Variants in LBP observed in about 807,000 individuals in gnomAD.
LBP encodes lipopolysaccharide binding protein, also known as lipopolysaccharide-binding protein.
In LBP, 53 loss-of-function variants were observed where a neutral mutation model predicts 56.6. The observed-to-expected ratio is 0.94, with a 90% CI of 0.75 to 1.18. The LOEUF is 1.18. Ranked by LOEUF, LBP falls within the 50% of genes most tolerant of loss-of-function variation. The pLI is 0.00. For missense variants in LBP, 601 were observed against 598.3 expected (o/e 1.00, Z -0.05); for synonymous variants, 227 against 247.5 (o/e 0.92, Z 0.78).
chr20:38,377,011 T>A lies in LBP; in HGVS notation c.*342T>A. 2.1e-6 allele frequency: 1 copy of A among 475,164 alleles called. No individual in the cohort carries two copies. Among genetic ancestry groups the A allele is most frequent in the Non-Finnish European group, 4.2e-6 (1 of 240,238 alleles). 29.4% of individuals were successfully genotyped at this position (475,164 alleles called of 1,614,324 possible). A position where few individuals can be genotyped will look rare whatever the true frequency, so the allele number is the denominator to read the frequency against. On this transcript the variant is annotated 3_prime_UTR_variant, in exon 15 of 15. Coordinates refer to ENST00000217407, the MANE Select transcript of LBP (RefSeq NM_004139.5). ...TCCTCAATAAATATTTATTAAATGA[T>A]GAGATGATGGAATCACCTGGTATTC... is the stretch of plus-strand genomic sequence containing the variant.
intron 1 of LBP, among the ~76,000 whole-genome samples, chr20:38,349,004 A>G (rs548084407): frequency 3.9e-4 from 59 of 151,830 alleles, no homozygotes; most frequent in African/African-American, 1.1e-3. Context: ...CATATTGGCC[A>G]GGCTGGTCTC....
intron 2 of LBP, among the ~76,000 whole-genome samples, chr20:38,350,301 G>T (rs745524235): frequency 6.6e-6 from 1 of 152,138 alleles, no homozygotes; most frequent in Non-Finnish European, 1.5e-5. Flanking sequence ...CTATGTGCCC[G>T]GCAAATAAAA....
In LBP at chr20:38,368,982, A is replaced by G. The variant is rs1172613862; in HGVS notation, c.982-13A>G. The G allele has an allele frequency of 1.2e-6, 2 of 1,613,476 alleles. No individual in the cohort carries two copies. The highest frequency in any genetic ancestry group is 1.7e-6 in the Non-Finnish European group (2 of 1,179,576). On this transcript the variant is annotated splice_polypyrimidine_tract_variant and intron_variant, in intron 9 of 14. Coordinates refer to ENST00000217407, the MANE Select transcript of LBP (RefSeq NM_004139.5). ...TTTCTTCTCTTGATGTAATCTCCTA[A>G]TTCTGCTCCCAGTTAGCCAGGCTCT...
chr20:38,354,246 G>T, intron 3 of LBP, 38 bp from the exon 4 acceptor site: 2 of 1,586,914 alleles, frequency 1.3e-6, no homozygotes, highest in Non-Finnish European at 1.7e-6. Flanking sequence ...CAGACCCCTG[G>T]TCTAGGAACT....
chr20:38,356,190 A>C (rs2122603036), intron 5 of LBP, among the ~76,000 whole-genome samples: 1 of 1,018 alleles, frequency 9.8e-4, no homozygotes, highest in Non-Finnish European at 3.7e-3. Context: ...AACACACCCC[A>C]CACACATACC....
intron 14 of LBP, among the ~76,000 whole-genome samples, chr20:38,374,594 CAAAA>C (rs562385988): frequency 1.2e-5 from 1 of 86,244 alleles, no homozygotes. Flanking sequence ...AACACTCCGT[CAAAA>C]AAAAAAAAAA....
At chr20:38,362,711 G>T (rs1230803959) in intron 6 of LBP, among the ~76,000 whole-genome samples, 2 of 152,074 alleles carry the variant, frequency 1.3e-5, no homozygotes, top group Non-Finnish European at 2.9e-5. Flanking sequence ...ACTTTGGGAG[G>T]CCAAGGAGGG....
At chr20:38,368,072 G>A (rs1367343615) in intron 9 of LBP, among the ~76,000 whole-genome samples, 1 of 150,072 alleles carries the variant, frequency 6.7e-6, no homozygotes, top group African/African-American at 2.5e-5. Flanking sequence ...AGAAAGAAAT[G>A]TTCTGTGGAA....
chr20:38,360,832 A>ATGC, intron 6 of LBP, 65 bp downstream of exon 6: 1 of 1,218,892 alleles, frequency 8.2e-7, no homozygotes, highest in Non-Finnish European at 1.2e-6. Flanking sequence ...GCATATATAT[A>ATGC]TCTTATAAAA....
At chr20:38,349,015 G>A (rs1192103530) in intron 1 of LBP, among the ~76,000 whole-genome samples, 1 of 151,874 alleles carries the variant, frequency 6.6e-6, no homozygotes, top group Non-Finnish European at 1.5e-5. Flanking sequence ...GGCTGGTCTC[G>A]AACTCCTGAC....
At chr20:38,369,584 C>T (rs1034393467) in intron 10 of LBP, among the ~76,000 whole-genome samples, 3 of 152,212 alleles carry the variant, frequency 2.0e-5, no homozygotes, top group African/African-American at 7.2e-5. Context: ...GAGGTACTGT[C>T]AGGAGAATGA....
chr20:38,365,581 C>A (rs1331610348), intron 8 of LBP, among the ~76,000 whole-genome samples: 1 of 151,432 alleles, frequency 6.6e-6, no homozygotes, highest in Non-Finnish European at 1.5e-5. Flanking sequence ...CCTGTAGTTC[C>A]AGCTACATGG....
At chr20:38,360,505 C>G (rs2076856005) in intron 5 of LBP, among the ~76,000 whole-genome samples, 199 bp from the exon 6 acceptor site, 1 of 152,114 alleles carries the variant, frequency 6.6e-6, no homozygotes, top group African/African-American at 2.4e-5. Flanking sequence ...CAACTGGACC[C>G]TAGTGGAGTC....
rs183249102 is a variant in LBP, at chr20:38,370,588, C to A, written c.1150-150C>A. 696 of 674,352 alleles carry A rather than the reference C, an allele frequency of 1.0e-3. 3 individuals are homozygous for A. In the Middle Eastern group the frequency reaches 0.012, roughly 12 times the overall value. The allele number at this position is 674,352 out of a possible 1,614,324, so 41.8% of individuals were successfully genotyped here. Reference sequence around the variant, plus strand: ...TATTGTTTGAGCACCTACAGTGAGCCTTCTGGGAGTCTATGATCTAGTGGG... The same window carrying A: ...TATTGTTTGAGCACCTACAGTGAGCATTCTGGGAGTCTATGATCTAGTGGG... On this transcript the variant is annotated intron_variant, in intron 10 of 14. Transcript: ENST00000217407.
In LBP at chr20:38,373,642, G is replaced by T. The variant is rs902020119; in HGVS notation, c.1325-295G>T. 2.6e-5 allele frequency among the ~76,000 whole-genome samples: 4 copies of T among 152,212 alleles called. No individual in the cohort carries two copies. In the South Asian group the frequency reaches 6.2e-4, roughly 24 times the overall value. On this transcript the variant is annotated intron_variant, in intron 13 of 14. Coordinates refer to ENST00000217407, the MANE Select transcript of LBP (RefSeq NM_004139.5). Reference sequence around the variant, plus strand: ...GTTCTTTATCTTATCATGAATGTGTGCTTCCTCCAGACAGCACCATGCCTG... The same window carrying T: ...GTTCTTTATCTTATCATGAATGTGTTCTTCCTCCAGACAGCACCATGCCTG...
chr20:38,353,479 CTTTTTTTTTTTTTTT>C (rs35504317), intron 3 of LBP, among the ~76,000 whole-genome samples: 3 of 69,100 alleles, frequency 4.3e-5, no homozygotes, highest in South Asian at 7.8e-4. Context: ...AGGCTGCTTC[CTTTTTTTTTTTTTTT>C]TTTTTTTTTT....
intron 8 of LBP, among the ~76,000 whole-genome samples, chr20:38,366,003 G>A (rs1385206981): frequency 6.6e-6 from 1 of 152,154 alleles, no homozygotes; most frequent in African/African-American, 2.4e-5. Flanking sequence ...ATGTGGCTTT[G>A]TATAAGGGAG....
intron 1 of LBP, among the ~76,000 whole-genome samples, 176 bp from the exon 2 acceptor site, chr20:38,349,372 C>G (rs903738407): frequency 6.6e-6 from 1 of 152,196 alleles, no homozygotes; most frequent in East Asian, 1.9e-4. Flanking sequence ...GCAGGGACAC[C>G]TCTGAATGTC....
rs753960229 is a variant in LBP at position 38,364,033 on chromosome 20, G to A, written c.711G>A (p.Arg237=). ...ATTATAGCTTAGTGGAAGCCCCTCG[G>A]GCAACAGCCCAGATGCTGGAGGTGA... ...DIDYSLVEAP[R]ATAQMLEVMF... The change falls in exon 7 of 15, where the codon CGG becomes CGA. Residue 237 remains arginine, a synonymous_variant. Coordinates refer to ENST00000217407, the MANE Select transcript of LBP (RefSeq NM_004139.5). 54 of 1,613,970 alleles carry A rather than the reference G, an allele frequency of 3.3e-5. 1 individual carries two copies. Among genetic ancestry groups the A allele is most frequent in the South Asian group, 2.5e-4 (23 of 91,072 alleles).
Sources: allele counts gnomAD v4.1 joint callset (sites outside exome capture counted in the v4.1 genomes callset), GRCh38; gene constraint gnomAD v4.1.1; transcripts MANE v1.5; gene names NCBI Gene and HGNC (gene_info 2026-07-23, HGNC 2026-07-21).